The following COL25A1 variants were observed in gnomAD, a reference collection of about 807,000 sequenced individuals.
COL25A1 encodes the protein collagen type XXV alpha 1 chain.
COL25A1 carries 103 observed loss-of-function variants against 128.4 expected under a neutral mutation model. The observed-to-expected ratio is 0.80, with a 90% CI of 0.68 to 0.94. COL25A1 has a LOEUF of 0.94. Among genes scored for constraint, COL25A1 ranks in the 40% least tolerant of loss-of-function variants. The probability of loss-of-function intolerance (pLI) is 0.00; values close to 1 mark genes in which losing one functional copy is unlikely to be tolerated. For missense variants in COL25A1, 745 were observed against 840.0 expected (o/e 0.89, Z 1.40); for synonymous variants, 279 against 277.2 (o/e 1.01, Z -0.06).
chr4:109,030,923 T>A (rs924600939), intron 5 of COL25A1, among the ~76,000 whole-genome samples: 3 of 151,970 alleles, frequency 2.0e-5, no homozygotes, highest in Non-Finnish European at 4.4e-5. Context: ...TATTTGTTTG[T>A]AGAGACAGAG....
At chr4:109,197,352 T>A (rs1288191313) in intron 3 of COL25A1, among the ~76,000 whole-genome samples, 15 of 130,676 alleles carry the variant, frequency 1.1e-4, no homozygotes, top group East Asian at 4.0e-4. Context: ...TATATATATA[T>A]TATATATAAA....
chr4:109,237,824 C>G (rs1195137950), intron 3 of COL25A1, among the ~76,000 whole-genome samples: 1 of 151,976 alleles, frequency 6.6e-6, no homozygotes, highest in Non-Finnish European at 1.5e-5. Context: ...CAATAACTGC[C>G]TGTTCTAGGC....
intron 3 of COL25A1, among the ~76,000 whole-genome samples, chr4:109,194,950 A>C (rs935814111): frequency 6.6e-6 from 1 of 152,212 alleles, no homozygotes; most frequent in Admixed American, 6.5e-5. Context: ...ACAACTGTAC[A>C]TTTTAAAATA....
chr4:108,831,926 C>T (rs969343415), intron 32 of COL25A1, among the ~76,000 whole-genome samples: 5 of 152,210 alleles, frequency 3.3e-5, no homozygotes, highest in Middle Eastern at 3.4e-3. Flanking sequence ...AAAGGGGGAG[C>T]ATTTGTAACT....
At chr4:109,268,798 T>C (rs1039517813) in intron 3 of COL25A1, among the ~76,000 whole-genome samples, 2 of 152,118 alleles carry the variant, frequency 1.3e-5, no homozygotes, top group Non-Finnish European at 2.9e-5. Context: ...ACAAGCTGCC[T>C]AGCTAGTGAG....
At chr4:109,029,713 C>G (rs1758653053) in intron 5 of COL25A1, among the ~76,000 whole-genome samples, 1 of 152,032 alleles carries the variant, frequency 6.6e-6, no homozygotes, top group African/African-American at 2.4e-5. Flanking sequence ...TCGCCTTGGA[C>G]AAGAAGGAAC....
At chr4:109,021,667 T>G (rs1226069377) in intron 5 of COL25A1, 1 of 443,404 alleles carries the variant, frequency 2.3e-6, no homozygotes, top group Non-Finnish European at 4.5e-6. Context: ...ATATTTTTCT[T>G]CTTGCAGAGA....
intron 3 of COL25A1, among the ~76,000 whole-genome samples, chr4:109,059,996 G>C (rs1761814678): frequency 6.6e-6 from 1 of 152,140 alleles, no homozygotes; most frequent in Admixed American, 6.5e-5. Flanking sequence ...GTTTGAACCT[G>C]TCTCTTCAAC....
At chr4:108,882,183 C>T (rs1466346051) in intron 19 of COL25A1, among the ~76,000 whole-genome samples, 5 of 151,760 alleles carry the variant, frequency 3.3e-5, no homozygotes, top group Admixed American at 1.3e-4. Context: ...AGGCAAATTC[C>T]GAGGGTCCAG....
intron 31 of COL25A1, among the ~76,000 whole-genome samples, chr4:108,833,113 C>T (rs979630013): frequency 6.6e-5 from 10 of 151,316 alleles, no homozygotes; most frequent in South Asian, 2.1e-4. Flanking sequence ...CTTAACCGGG[C>T]GTGCTCTGAA....
chr4:109,048,672 A>G (rs952896315), intron 4 of COL25A1, among the ~76,000 whole-genome samples: 1 of 152,206 alleles, frequency 6.6e-6, no homozygotes, highest in Non-Finnish European at 1.5e-5. Flanking sequence ...AAGTTTCTTT[A>G]AAACCATCAA....
At chr4:109,057,288 G>A (rs1016101283) in intron 3 of COL25A1, among the ~76,000 whole-genome samples, 1 of 151,944 alleles carries the variant, frequency 6.6e-6, no homozygotes, top group Non-Finnish European at 1.5e-5. Flanking sequence ...TACTTATTGG[G>A]ACAGAGTCTT....
chr4:108,990,270 A>C (rs1307684153), intron 6 of COL25A1, among the ~76,000 whole-genome samples: 26 of 126,242 alleles, frequency 2.1e-4, no homozygotes, highest in African/African-American at 5.9e-4. Context: ...ATATATATAT[A>C]TATCTCAAAA....
chr4:108,954,583 G>C (rs1215454455), intron 8 of COL25A1, among the ~76,000 whole-genome samples: 1 of 151,886 alleles, frequency 6.6e-6, no homozygotes, highest in Admixed American at 6.6e-5. Context: ...CTTCGTTACT[G>C]AAAATGAGGG....
intron 11 of COL25A1, among the ~76,000 whole-genome samples, chr4:108,929,742 C>A (rs1746508962): frequency 6.6e-6 from 1 of 151,990 alleles, no homozygotes; most frequent in East Asian, 1.9e-4. Flanking sequence ...AGGAGGATTC[C>A]TTGAACCCAG....
intron 18 of COL25A1, among the ~76,000 whole-genome samples, chr4:108,885,188 G>T (rs528908289): frequency 6.6e-6 from 1 of 152,262 alleles, no homozygotes; most frequent in Admixed American, 6.5e-5. Context: ...AGTGACAAAA[G>T]AAAGCATTTC....
chr4:109,016,016 T>C (rs1327227476), intron 5 of COL25A1, among the ~76,000 whole-genome samples: 1 of 152,052 alleles, frequency 6.6e-6, no homozygotes, highest in Non-Finnish European at 1.5e-5. Context: ...CCCTACTGAG[T>C]TGGTGGGGTG....
At chr4:109,155,064 C>G (rs1213271526) in intron 3 of COL25A1, among the ~76,000 whole-genome samples, 1 of 152,164 alleles carries the variant, frequency 6.6e-6, no homozygotes, top group African/African-American at 2.4e-5. Context: ...CAATGTAAGG[C>G]AGGGATGATG....
intron 11 of COL25A1, among the ~76,000 whole-genome samples, chr4:108,934,619 C>T (rs6852403): frequency 6.6e-6 from 1 of 151,986 alleles, no homozygotes; most frequent in African/African-American, 2.4e-5. Context: ...ATCATGATTT[C>T]TTTTTAAAAA....
Sources: allele counts gnomAD v4.1 joint callset (sites outside exome capture counted in the v4.1 genomes callset), GRCh38; gene constraint gnomAD v4.1.1; transcripts MANE v1.5; gene names NCBI Gene and HGNC (gene_info 2026-07-23, HGNC 2026-07-21).